ASH1L: variants seen among roughly 807,000 people sequenced by gnomAD.
The protein encoded by ASH1L is ASH1 like histone lysine methyltransferase.
In ASH1L, 23 loss-of-function variants were observed where a neutral mutation model predicts 269.0. That is an observed-to-expected ratio of 0.09 (90% confidence interval 0.06 to 0.12). The LOEUF (loss-of-function observed/expected upper bound fraction) is 0.12, where lower values mean the gene tolerates loss of function less well. Ranked by LOEUF, ASH1L falls within the 10% of genes least tolerant of loss-of-function variation. The pLI, the probability that ASH1L is intolerant of heterozygous loss-of-function variation, is 1.00. For synonymous variants in ASH1L, 1,187 were observed against 1,253.5 expected (o/e 0.95, Z 1.12); for missense variants, 2,912 against 3,567.8 (o/e 0.82, Z 4.68).
chr1:155,387,732 A>G (rs1485915759), intron 7 of ASH1L, among the ~76,000 whole-genome samples: 2 of 152,132 alleles, frequency 1.3e-5, no homozygotes, highest in Non-Finnish European at 2.9e-5. Flanking sequence ...TTTGGGCAAT[A>G]TGGCCATTTT....
chr1:155,378,943 C>T (rs1261260385), intron 8 of ASH1L, among the ~76,000 whole-genome samples: 1 of 151,744 alleles, frequency 6.6e-6, no homozygotes, highest in African/African-American at 2.4e-5. Flanking sequence ...TGGGTGGGTA[C>T]ATGAAATTAA....
chr1:155,489,534 G>A (rs1666598547), intron 2 of ASH1L, among the ~76,000 whole-genome samples: 3 of 151,494 alleles, frequency 2.0e-5, no homozygotes, highest in African/African-American at 4.9e-5. Flanking sequence ...ACTTTGTGAG[G>A]CCAAGGCAGG....
chr1:155,493,782 A>T (rs947041519), intron 2 of ASH1L, among the ~76,000 whole-genome samples: 1 of 152,122 alleles, frequency 6.6e-6, no homozygotes, highest in Admixed American at 6.6e-5. Context: ...GCTGAGGCGG[A>T]AGAATAGCTT....
intron 7 of ASH1L, among the ~76,000 whole-genome samples, chr1:155,387,793 G>A (rs1385807181): frequency 6.6e-6 from 1 of 152,036 alleles, no homozygotes; most frequent in Non-Finnish European, 1.5e-5. Flanking sequence ...TTCCATTTGT[G>A]TCTTCGCTGA....
intron 12 of ASH1L, among the ~76,000 whole-genome samples, chr1:155,364,759 G>A (rs1434099731): frequency 1.3e-5 from 2 of 151,752 alleles, no homozygotes; most frequent in African/African-American, 4.8e-5. Context: ...GGACAACATG[G>A]CACAACCCTG....
rs145189772 is a variant in ASH1L at position 155,494,032 on chromosome 1, T to C, written c.421-11583A>G. 9.9e-5 allele frequency among the ~76,000 whole-genome samples: 15 copies of C among 152,156 alleles called. No homozygotes were observed. The South Asian group carries it at 1.9e-3, about 19-fold the overall frequency. ...AAAGTAGAGAAAATAAGTAAAATAT[T>C]TGGTATATCAGATGATAAAATGCAC... is the stretch of plus-strand genomic sequence containing the variant. On this transcript the variant is annotated intron_variant, in intron 2 of 27. Transcript: ENST00000392403.
At chr1:155,509,230 A>G (rs977786929) in intron 2 of ASH1L, among the ~76,000 whole-genome samples, 4 of 152,102 alleles carry the variant, frequency 2.6e-5, no homozygotes, top group African/African-American at 9.7e-5. Context: ...CTGTAATCCT[A>G]ATGATTTGCC....
chr1:155,553,111 A>C (rs1671328896), intron 1 of ASH1L, among the ~76,000 whole-genome samples: 1 of 152,216 alleles, frequency 6.6e-6, no homozygotes, highest in African/African-American at 2.4e-5. Flanking sequence ...CTGATTTCAG[A>C]GTCTATGATC....
chr1:155,368,820 T>C (rs973478391), intron 12 of ASH1L, among the ~76,000 whole-genome samples: 1 of 152,208 alleles, frequency 6.6e-6, no homozygotes, highest in African/African-American at 2.4e-5. Context: ...TTCACAGTAA[T>C]TGATAAACAA....
In ASH1L at chr1:155,360,725, G is replaced by T. The variant is rs186066995; in HGVS notation, c.6687-316C>A. ...TCCCAAGTGCTAGAATTATAGGTAT[G>T]AGCCACCACGCCTGGCCTCCACTTT... On this transcript the variant is annotated intron_variant, in intron 12 of 27. Coordinates refer to ENST00000392403, the MANE Select transcript of ASH1L (RefSeq NM_018489.3). Among the ~76,000 whole-genome samples the T allele has an allele frequency of 1.5e-3, 227 of 151,712 alleles. 1 individual carries two copies. The highest frequency in any genetic ancestry group is 4.6e-3 in the African/African-American group (189 of 41,362).
chr1:155,441,267 T>C (rs1399885645), intron 4 of ASH1L, among the ~76,000 whole-genome samples: 3 of 151,864 alleles, frequency 2.0e-5, no homozygotes, highest in Non-Finnish European at 4.4e-5. Flanking sequence ...AATGTTAGGT[T>C]AGAAAAGGTC....
chr1:155,548,083 G>A (rs1027702428), intron 1 of ASH1L, among the ~76,000 whole-genome samples: 5 of 152,014 alleles, frequency 3.3e-5, no homozygotes, highest in Non-Finnish European at 4.4e-5. Flanking sequence ...ACCAAACACC[G>A]CATGTTCTCA....
At position 155,405,905 on chromosome 1, in the gene ASH1L, T is replaced by C. The variant is rs367925047; in HGVS notation, c.6008+9839A>G. ...CAGATATGGTGATGACCAAATACTG[T>C]TAAGACAGCAAAACTTGGCCAGGTG... On this transcript the variant is annotated intron_variant, in intron 6 of 27. Transcript: ENST00000392403. 2.0e-5 allele frequency among the ~76,000 whole-genome samples: 3 copies of C among 151,792 alleles called. No homozygotes were observed. The South Asian group carries it at 6.3e-4, about 32-fold the overall frequency.
chr1:155,489,487 A>G (rs1437869898), intron 2 of ASH1L, among the ~76,000 whole-genome samples: 3 of 150,486 alleles, frequency 2.0e-5, no homozygotes, highest in Non-Finnish European at 4.4e-5. Flanking sequence ...AAAAAAAAAA[A>G]GGGCTGGGCA....
chr1:155,543,138 G>C (rs1238899639), intron 1 of ASH1L, among the ~76,000 whole-genome samples: 1 of 152,036 alleles, frequency 6.6e-6, no homozygotes, highest in Non-Finnish European at 1.5e-5. Flanking sequence ...CTTGTAGAAG[G>C]AAATCCTTTC....
intron 2 of ASH1L, among the ~76,000 whole-genome samples, chr1:155,491,132 C>T (rs1355334188): frequency 6.6e-6 from 1 of 151,902 alleles, no homozygotes; most frequent in East Asian, 1.9e-4. Context: ...GATCCTGGTC[C>T]ATATTTTTCT....
At chr1:155,376,278 C>T (rs763471843) in intron 10 of ASH1L, among the ~76,000 whole-genome samples, 27 of 152,186 alleles carry the variant, frequency 1.8e-4, no homozygotes, top group Non-Finnish European at 3.4e-4. Flanking sequence ...TCCCAACTGG[C>T]ATGCTGAAGC....
At chr1:155,409,359 G>A (rs1659572791) in intron 6 of ASH1L, among the ~76,000 whole-genome samples, 1 of 151,988 alleles carries the variant, frequency 6.6e-6, no homozygotes, top group East Asian at 1.9e-4. Flanking sequence ...TTAAACTTAG[G>A]GAAAAAACAT....
At chr1:155,387,534 A>G (rs1164493418) in intron 7 of ASH1L, among the ~76,000 whole-genome samples, 1 of 152,196 alleles carries the variant, frequency 6.6e-6, no homozygotes, top group African/African-American at 2.4e-5. Flanking sequence ...TGATTACTGT[A>G]GCCCTGTAGT....
Sources: gnomAD v4.1 joint callset for allele counts (sites outside exome capture counted in the v4.1 genomes callset) on GRCh38, gnomAD v4.1.1 for gene constraint, MANE v1.5 for transcripts, NCBI Gene and HGNC (gene_info 2026-07-23, HGNC 2026-07-21) for gene names.